The following HLA-DPB1 variants were observed in gnomAD, a reference collection of about 807,000 sequenced individuals.
HLA-DPB1 encodes major histocompatibility complex, class II, DP beta 1.
In HLA-DPB1, 30 loss-of-function variants were observed where a neutral mutation model predicts 29.4. The ratio of observed to expected loss-of-function variants is 1.02; its 90% confidence interval spans 0.76 to 1.38. HLA-DPB1 has a LOEUF of 1.38. Among genes scored for constraint, HLA-DPB1 ranks in the 40% most tolerant of loss-of-function variants. The probability of loss-of-function intolerance (pLI) is 0.00; values close to 1 mark genes in which losing one functional copy is unlikely to be tolerated. For synonymous variants in HLA-DPB1, 114 were observed against 134.0 expected, an observed-to-expected ratio of 0.85 and a Z score of 1.03; for missense variants, 261 against 327.5, an observed-to-expected ratio of 0.80 and a Z score of 1.57.
intron 2 of HLA-DPB1, among the ~76,000 whole-genome samples, chr6:33,082,447 G>T (rs1319502083): frequency 1.3e-5 from 2 of 152,042 alleles, no homozygotes; most frequent in African/African-American, 4.8e-5. Context: ...TCCCTGGGTG[G>T]GGAGGTCTGG....
chr6:33,078,046 A>G (rs2073520), intron 1 of HLA-DPB1, among the ~76,000 whole-genome samples: 36,796 of 151,878 alleles, frequency 0.24, 6,163 homozygotes, highest in East Asian at 0.6. Flanking sequence ...GTCAGGAGGA[A>G]GTGACGGATG....
rs564060644 is a variant in HLA-DPB1, at chr6:33,087,141, C to T, written c.*607C>T. The stretch of plus-strand genomic sequence containing the variant: ...TACTGAGAGCATGTTTTATCATTAC[C>T]ATTAAGAAGTTAAATGAACATCAGA... On this transcript the variant is annotated 3_prime_UTR_variant, in exon 6 of 6. Transcript: ENST00000418931. 2 of 153,816 alleles carry T rather than the reference C, an allele frequency of 1.3e-5. No individual in the cohort carries two copies. Among genetic ancestry groups the T allele is most frequent in the South Asian group, 2.1e-4 (1 of 4,858 alleles). 9.5% of individuals were successfully genotyped at this position (153,816 alleles called of 1,614,324 possible). A position where few individuals can be genotyped will look rare whatever the true frequency, so the allele number is the denominator to read the frequency against.
chr6:33,080,779 G>C lies in HLA-DPB1; in HGVS notation c.208G>C (p.Asp70His). Residue 70 changes from aspartate to histidine, a missense_variant, in exon 2 of 6, where the codon GAC becomes CAC. By Grantham distance (81) the Asp-to-His change is moderately conservative. Transcript: ENST00000418931. This position sits in a 1 kb window ranked among gnomAD's most constrained non-coding sequence, Gnocchi z 4.3. ...NREEFARFDS[D>H]VGEFRAVTEL... ...GGAGGAGTTCGCGCGCTTCGACAGCGACGTGGGGGAGTTCCGGGCGGTGAC... is the reference window on the plus strand; with the variant it reads ...GGAGGAGTTCGCGCGCTTCGACAGCCACGTGGGGGAGTTCCGGGCGGTGAC... 1 of 1,613,624 alleles carries C rather than the reference G, an allele frequency of 6.2e-7. No homozygotes were observed. Among genetic ancestry groups the C allele is most frequent in the Non-Finnish European group, 8.5e-7 (1 of 1,179,832 alleles).
chr6:33,082,623 G>T (rs1201689383), intron 2 of HLA-DPB1, among the ~76,000 whole-genome samples: 1 of 152,184 alleles, frequency 6.6e-6, no homozygotes, highest in South Asian at 2.1e-4. Flanking sequence ...GGGAGATGAG[G>T]TAGGAAACTG....
chr6:33,080,858 AGG>A lies in HLA-DPB1; in HGVS notation c.288_289del (p.Lys98AlafsTer27), dbSNP rs1491200500. ...TGGAACAGCCAGAAGGACATCCTGG[AGG>A]AGAAGCGGGCAGTGCCGGACAGGAT... is the stretch of plus-strand genomic sequence containing the variant. On this transcript the variant is annotated frameshift_variant, in exon 2 of 6. Transcript: ENST00000418931. LOFTEE classifies it high-confidence loss of function. This position sits in a 1 kb window ranked among gnomAD's most constrained non-coding sequence, Gnocchi z 4.3. The A allele has an allele frequency of 3.1e-6, 5 of 1,608,288 alleles. No individual in the cohort carries two copies. The highest frequency in any genetic ancestry group is 1.7e-5 in the Admixed American group (1 of 59,902).
Position 33,086,150 on chromosome 6 carries a change from G to A in HLA-DPB1, c.758-69G>A, listed in dbSNP as rs879148936. The A allele has an allele frequency of 5.2e-6, 7 of 1,344,878 alleles. 1 individual carries two copies. The South Asian group carries it at 8.2e-5, about 16-fold the overall frequency. The allele number at this position is 1,344,878 out of a possible 1,614,324, so 83.3% of individuals were successfully genotyped here. ...ATGGGCAATGGAATTTGGTGGGATG[G>A]AAATGTTTCTCTAATTATCTGAGGT... On this transcript the variant is annotated intron_variant, in intron 4 of 5. Transcript: ENST00000418931.
intron 1 of HLA-DPB1, among the ~76,000 whole-genome samples, chr6:33,078,593 G>A (rs1762675677): frequency 6.6e-6 from 1 of 151,618 alleles, no homozygotes; most frequent in South Asian, 2.1e-4. Flanking sequence ...CAATTGCTAA[G>A]GGTTCCACAA....
intron 1 of HLA-DPB1, chr6:33,079,537 C>A: frequency 8.0e-6 from 3 of 374,530 alleles, no homozygotes; most frequent in South Asian, 6.8e-5. Flanking sequence ...ACTGAAATGT[C>A]AAAATTAAGC....
Position 33,085,775 on chromosome 6 carries a change from C to A in HLA-DPB1, c.647-4C>A. 6.2e-7 allele frequency: 1 copy of A among 1,610,104 alleles called. No individual in the cohort carries two copies. The highest frequency in any genetic ancestry group is 8.5e-7 in the Non-Finnish European group (1 of 1,176,454). ...GACACTAAACCTGGGTCTGTCCTTC[C>A]CAGAGGCACAGTCTGATTCTGCCCG... On this transcript the variant is annotated splice_polypyrimidine_tract_variant and splice_region_variant and intron_variant, in intron 3 of 5. Transcript: ENST00000418931.
At chr6:33,084,550 C>T (rs9277440) in intron 2 of HLA-DPB1, among the ~76,000 whole-genome samples, 57,534 of 151,552 alleles carry the variant, frequency 0.38, 12,338 homozygotes, top group East Asian at 0.64. Flanking sequence ...TTTGAGAGGC[C>T]GAGCGGGTGG....
At chr6:33,083,277 G>T (rs1309397800) in intron 2 of HLA-DPB1, among the ~76,000 whole-genome samples, 1 of 152,180 alleles carries the variant, frequency 6.6e-6, no homozygotes, top group Non-Finnish European at 1.5e-5. Context: ...CCATGTTAGG[G>T]TATTTGTGTT....
chr6:33,081,200 GAA>G (rs113353922), intron 2 of HLA-DPB1: 1 of 503,596 alleles, frequency 2.0e-6, no homozygotes, highest in African/African-American at 2.0e-5. Flanking sequence ...CATGTGGGGT[GAA>G]AAAAGGAAGC....
chr6:33,085,995 G>GA (rs1562159624), intron 4 of HLA-DPB1, 106 bp downstream of exon 4: 3 of 806,498 alleles, frequency 3.7e-6, no homozygotes, highest in Non-Finnish European at 6.1e-6. Context: ...AGCTCTAGAG[G>GA]CCACTGATAT....
At chr6:33,076,246 G>T (rs777582951) in intron 1 of HLA-DPB1, 105 bp downstream of exon 1, 23 of 742,152 alleles carry the variant, frequency 3.1e-5, no homozygotes, top group Non-Finnish European at 4.3e-5. Flanking sequence ...GGGGGCTCCT[G>T]CCCTAAGGCA....
rs1269617939 is a variant in HLA-DPB1 at position 33,085,971 on chromosome 6, A to G, written c.757+82A>G. 1.1e-5 allele frequency: 11 copies of G among 968,438 alleles called. No homozygotes were observed. In the East Asian group the frequency reaches 1.8e-4, roughly 15 times the overall value. The allele number at this position is 968,438 out of a possible 1,614,324, so 60.0% of individuals were successfully genotyped here. A position where few individuals can be genotyped will look rare whatever the true frequency, so the allele number is the denominator to read the frequency against. On this transcript the variant is annotated intron_variant, in intron 4 of 5. Coordinates refer to ENST00000418931, the MANE Select transcript of HLA-DPB1 (RefSeq NM_002121.6). ...TTCCACGATGAGGGGTTTGACAGAAAAGAAATGTCAGAAAGCTCTAGAGGC... is the reference window on the plus strand; with the variant it reads ...TTCCACGATGAGGGGTTTGACAGAAGAGAAATGTCAGAAAGCTCTAGAGGC...
At position 33,088,199 on chromosome 6, in the gene HLA-DPB1, C is replaced by T. The variant is rs1464947052; in HGVS notation, c.*1665C>T. 1.3e-5 allele frequency among the ~76,000 whole-genome samples: 2 copies of T among 152,280 alleles called. No homozygotes were observed. Among genetic ancestry groups the T allele is most frequent in the Non-Finnish European group, 2.9e-5 (2 of 68,016 alleles). ...TGAGAATAGCAGAAAGTCTTCAAAT[C>T]GAGATCATTATGAAATCCTCAGACC... On this transcript the variant is annotated 3_prime_UTR_variant, in exon 6 of 6. Coordinates refer to ENST00000418931, the MANE Select transcript of HLA-DPB1 (RefSeq NM_002121.6).
chr6:33,077,921 G>A (rs7750458), intron 1 of HLA-DPB1, among the ~76,000 whole-genome samples: 14,827 of 152,202 alleles, frequency 0.097, 790 homozygotes, highest in Middle Eastern at 0.18. Context: ...ACTTGAACTT[G>A]TAGTCACAGA....
chr6:33,080,852 T>A lies in HLA-DPB1; in HGVS notation c.281T>A (p.Ile94Asn), dbSNP rs41547212. The A allele has an allele frequency of 6.2e-7, 1 of 1,613,374 alleles. No individual in the cohort carries two copies. Among genetic ancestry groups the A allele is most frequent in the Admixed American group, 1.7e-5 (1 of 59,998 alleles). The change falls in exon 2 of 6, where the codon ATC becomes AAC. Residue 94 changes from isoleucine (I) to asparagine (N), a missense_variant. Coordinates refer to ENST00000418931, the MANE Select transcript of HLA-DPB1 (RefSeq NM_002121.6). This position sits in a 1 kb window ranked among gnomAD's most constrained non-coding sequence, Gnocchi z 4.3. ...AAEYWNSQKD[I>N]LEEKRAVPDR... ...GAGTACTGGAACAGCCAGAAGGACA[T>A]CCTGGAGGAGAAGCGGGCAGTGCCG...
rs1762758708 is a variant in HLA-DPB1 at position 33,080,164 on chromosome 6, G to A, written c.101-508G>A. Among the ~76,000 whole-genome samples, 1 of 152,144 alleles carries A rather than the reference G, an allele frequency of 6.6e-6. No homozygotes were observed. Among genetic ancestry groups the A allele is most frequent in the African/African-American group, 2.4e-5 (1 of 41,422 alleles). On this transcript the variant is annotated intron_variant, in intron 1 of 5. Coordinates refer to ENST00000418931, the MANE Select transcript of HLA-DPB1 (RefSeq NM_002121.6). This position sits in a 1 kb window ranked among gnomAD's most constrained non-coding sequence, Gnocchi z 4.3. ...CAAGTTGAGGAATTCTCAAGAAACTGGTCGAGAAGAGAGAGCGCTTAGCTA... is the reference window on the plus strand; with the variant it reads ...CAAGTTGAGGAATTCTCAAGAAACTAGTCGAGAAGAGAGAGCGCTTAGCTA...
Sources: gnomAD v4.1 joint callset for allele counts (sites outside exome capture counted in the v4.1 genomes callset) on GRCh38, gnomAD v4.1.1 for gene constraint, Gnocchi (gnomAD v3.1) non-coding constraint, MANE v1.5 for transcripts, NCBI Gene and HGNC (gene_info 2026-07-23, HGNC 2026-07-21) for gene names.